GAB1: variants seen among roughly 807,000 people sequenced by gnomAD.
The protein encoded by GAB1 is GRB2 associated binding protein 1.
A neutral mutation model predicts 66.5 loss-of-function variants in GAB1; 19 were observed. That is an observed-to-expected ratio of 0.29 (90% CI 0.20 to 0.42). GAB1 has a LOEUF of 0.42. Ranked by LOEUF, GAB1 falls within the 10% of genes least tolerant of loss-of-function variation. The pLI is 1.00. For synonymous variants in GAB1, 294 were observed against 301.4 expected (o/e 0.98, Z 0.25); for missense variants, 732 against 858.5 (o/e 0.85, Z 1.84).
chr4:143,447,950 G>T (rs1295221747), intron 6 of GAB1, among the ~76,000 whole-genome samples: 1 of 152,138 alleles, frequency 6.6e-6, no homozygotes, highest in Non-Finnish European at 1.5e-5. Context: ...TTACTATTTT[G>T]AGATACATCC....
intron 2 of GAB1, among the ~76,000 whole-genome samples, chr4:143,431,980 C>G (rs1305104154): frequency 2.0e-5 from 3 of 152,048 alleles, no homozygotes; most frequent in East Asian, 3.9e-4. Context: ...AACTCCTGAC[C>G]TGGTGGAGAA....
chr4:143,427,433 A>G (rs1733421703), intron 2 of GAB1, among the ~76,000 whole-genome samples: 1 of 152,154 alleles, frequency 6.6e-6, no homozygotes, highest in African/African-American at 2.4e-5. Context: ...GGTTATTAAA[A>G]ACATGTATGA....
At chr4:143,434,366 C>CTTT (rs11389050) in intron 3 of GAB1, among the ~76,000 whole-genome samples, 31 of 137,484 alleles carry the variant, frequency 2.3e-4, no homozygotes, top group African/African-American at 7.2e-4. Context: ...TTTTATTTAT[C>CTTT]TTTTTTTTTT....
intron 1 of GAB1, among the ~76,000 whole-genome samples, chr4:143,361,204 G>A (rs1395710597): frequency 6.6e-6 from 1 of 152,160 alleles, no homozygotes; most frequent in African/African-American, 2.4e-5. Flanking sequence ...TTAGGGTATA[G>A]CCAGTGTCCT....
chr4:143,459,862 G>A (rs1304921590), intron 7 of GAB1, among the ~76,000 whole-genome samples: 1 of 152,086 alleles, frequency 6.6e-6, no homozygotes, highest in Non-Finnish European at 1.5e-5. Flanking sequence ...ATTTTTAAGA[G>A]TGTAAAAGGT....
intron 1 of GAB1, among the ~76,000 whole-genome samples, chr4:143,408,532 A>G (rs1732188225): frequency 1.3e-5 from 2 of 151,850 alleles, no homozygotes; most frequent in African/African-American, 4.8e-5. Flanking sequence ...ACAATTCCGC[A>G]CCTTGTTTTT....
intron 1 of GAB1, among the ~76,000 whole-genome samples, chr4:143,403,019 G>A (rs1351268824): frequency 6.6e-6 from 1 of 152,154 alleles, no homozygotes; most frequent in African/African-American, 2.4e-5. Context: ...TGTCTCACTG[G>A]GTTTCTAACA....
intron 8 of GAB1, among the ~76,000 whole-genome samples, chr4:143,463,554 C>G (rs961492773): frequency 7.0e-6 from 1 of 142,420 alleles, no homozygotes; most frequent in African/African-American, 2.7e-5. Flanking sequence ...GCCCAGGAGA[C>G]AGAGATTGCA....
intron 1 of GAB1, among the ~76,000 whole-genome samples, chr4:143,363,080 G>A (rs1729728972): frequency 6.6e-6 from 1 of 152,204 alleles, no homozygotes; most frequent in African/African-American, 2.4e-5. Flanking sequence ...ATCACACAGT[G>A]CATATGGCAG....
intron 1 of GAB1, among the ~76,000 whole-genome samples, chr4:143,354,012 G>C (rs998938514): frequency 6.6e-6 from 1 of 152,136 alleles, no homozygotes; most frequent in African/African-American, 2.4e-5. Context: ...CTGAGAGTCC[G>C]AGTAAGTTTA....
intron 1 of GAB1, among the ~76,000 whole-genome samples, chr4:143,364,901 G>A (rs1278075404): frequency 2.5e-5 from 3 of 122,268 alleles, no homozygotes; most frequent in African/African-American, 6.7e-5. Context: ...TTTTGGAGAC[G>A]GAGTCTCACT....
intron 6 of GAB1, 59 bp downstream of exon 6, chr4:143,440,441 A>C (rs1578719839): frequency 8.3e-6 from 12 of 1,438,398 alleles, no homozygotes; most frequent in African/African-American, 1.4e-5. Flanking sequence ...TCTATCTTTA[A>C]CTGCCATTAA....
chr4:143,435,632 G>T (rs1219833333), intron 3 of GAB1, among the ~76,000 whole-genome samples: 2 of 152,132 alleles, frequency 1.3e-5, no homozygotes, highest in African/African-American at 4.8e-5. Context: ...TATTTATGAG[G>T]TAACCACTAT....
intron 1 of GAB1, among the ~76,000 whole-genome samples, chr4:143,370,310 C>T (rs1730062972): frequency 6.6e-6 from 1 of 152,180 alleles, no homozygotes; most frequent in Admixed American, 6.5e-5. Flanking sequence ...CCACTGAGAA[C>T]ATACAGGGAC....
chr4:143,438,298 C>G lies in GAB1; in HGVS notation c.893C>G (p.Thr298Ser), dbSNP rs757172480. Residue 298 changes from threonine (T) to serine (S), a missense_variant, in exon 4 of 10, where the codon ACT becomes AGT. Transcript: ENST00000262994. ...NTPSGTSSVE[T>S]QMRHVSISYD... ...CCATCTGGGACATCGAGTGTAGAGA[C>G]TCAAATGAGGCATGTATCTATTAGT... The G allele has an allele frequency of 6.2e-7, 1 of 1,613,860 alleles. No individual in the cohort carries two copies. The highest frequency in any genetic ancestry group is 1.7e-5 in the Admixed American group (1 of 59,988).
At chr4:143,360,309 T>TA (rs755527553) in intron 1 of GAB1, among the ~76,000 whole-genome samples, 34 of 152,340 alleles carry the variant, frequency 2.2e-4, no homozygotes, top group South Asian at 8.3e-4. Flanking sequence ...TTTTGTTTCT[T>TA]ACGTTATTTT....
At chr4:143,408,537 G>GT (rs1283062035) in intron 1 of GAB1, among the ~76,000 whole-genome samples, 10 of 151,524 alleles carry the variant, frequency 6.6e-5, no homozygotes, top group African/African-American at 4.8e-5. Flanking sequence ...TCCGCACCTT[G>GT]TTTTTTTTAC....
At chr4:143,354,051 A>G (rs1341751511) in intron 1 of GAB1, among the ~76,000 whole-genome samples, 1 of 152,176 alleles carries the variant, frequency 6.6e-6, no homozygotes, top group African/African-American at 2.4e-5. Flanking sequence ...TCTGAAGTGA[A>G]TAGAAGGGTT....
At chr4:143,397,658 C>G (rs755464039) in intron 1 of GAB1, among the ~76,000 whole-genome samples, 4 of 151,862 alleles carry the variant, frequency 2.6e-5, no homozygotes, top group Non-Finnish European at 5.9e-5. Flanking sequence ...GCTATTTTAC[C>G]CTCTATAAAT....
Sources: gnomAD v4.1 joint callset for allele counts (sites outside exome capture counted in the v4.1 genomes callset) on GRCh38, gnomAD v4.1.1 for gene constraint, MANE v1.5 for transcripts, NCBI Gene and HGNC (gene_info 2026-07-23, HGNC 2026-07-21) for gene names.